Variants in VWC2L observed in about 807,000 individuals in gnomAD.
VWC2L encodes von Willebrand factor C domain containing 2 like.
A neutral mutation model predicts 21.6 loss-of-function variants in VWC2L; 10 were observed. The ratio of observed to expected loss-of-function variants is 0.46; its 90% CI spans 0.29 to 0.78. The LOEUF (loss-of-function observed/expected upper bound fraction) is 0.78. Among genes scored for constraint, VWC2L ranks in the 30% least tolerant of loss-of-function variants. The pLI, the probability that VWC2L is intolerant of heterozygous loss-of-function variation, is 0.10. For synonymous variants in VWC2L, 96 were observed against 94.3 expected (o/e 1.02, Z -0.10); for missense variants, 209 against 277.1 (o/e 0.75, Z 1.74).
chr2:214,458,146 G>A (rs1703085006), intron 3 of VWC2L, among the ~76,000 whole-genome samples: 1 of 151,924 alleles, frequency 6.6e-6, no homozygotes. Context: ...GTCTATTCAG[G>A]TTTTCTATTT....
At position 214,436,634 on chromosome 2, in the gene VWC2L, T is replaced by C. The variant is rs746624300; in HGVS notation, c.396T>C (p.Ser132=). 18 of 1,613,178 alleles carry C rather than the reference T, an allele frequency of 1.1e-5. 2 individuals carry two copies. In the South Asian group the frequency reaches 1.3e-4, roughly 12 times the overall value. Residue 132 remains serine, a synonymous_variant, in exon 3 of 4, where the codon TCT becomes TCC. Transcript: ENST00000312504. ...AATTTTAGATTTGTTCCTAGCCCTC[T>C]CCATGTGAATGGTGTCGCTGTGAGC... ...NYKILEEFKP[S]PCEWCRCEPS...
intron 3 of VWC2L, among the ~76,000 whole-genome samples, chr2:214,443,174 T>C (rs983446007): frequency 4.6e-5 from 7 of 152,156 alleles, no homozygotes; most frequent in East Asian, 3.9e-4. Context: ...AGGTCAGGAA[T>C]TGGAGACCAG....
chr2:214,524,714 G>A (rs1437358049), intron 3 of VWC2L, among the ~76,000 whole-genome samples: 10 of 152,146 alleles, frequency 6.6e-5, no homozygotes, highest in African/African-American at 2.2e-4. Context: ...TGATGATGCC[G>A]CATCAATGCC....
chr2:214,463,844 ATTC>A (rs1703177915), intron 3 of VWC2L, among the ~76,000 whole-genome samples: 2 of 151,712 alleles, frequency 1.3e-5, no homozygotes, highest in African/African-American at 4.8e-5. Context: ...TTCATTTTTT[ATTC>A]TTTTTTCTTT....
chr2:214,458,567 T>G (rs182619204), intron 3 of VWC2L, among the ~76,000 whole-genome samples: 5 of 152,140 alleles, frequency 3.3e-5, no homozygotes, highest in African/African-American at 1.2e-4. Flanking sequence ...TAGGTGGTTA[T>G]TGCTATAAAT....
chr2:214,487,618 T>A (rs201311948), intron 3 of VWC2L, among the ~76,000 whole-genome samples: 1 of 152,054 alleles, frequency 6.6e-6, no homozygotes, highest in African/African-American at 2.4e-5. Context: ...TAAGAATGAA[T>A]AGAAGTAAGC....
chr2:214,436,843 C>T, intron 3 of VWC2L, 85 bp downstream of exon 3: 1 of 1,503,436 alleles, frequency 6.7e-7, no homozygotes, highest in Non-Finnish European at 9.1e-7. Flanking sequence ...AATGCAAGAC[C>T]CCTCTAAGAT....
In VWC2L at chr2:214,508,053, T is replaced by C. The variant is rs937800096; in HGVS notation, c.521-67619T>C. Among the ~76,000 whole-genome samples the C allele has an allele frequency of 3.9e-5, 6 of 152,274 alleles. No homozygotes were observed. In the South Asian group the frequency reaches 1.2e-3, roughly 32 times the overall value. On this transcript the variant is annotated intron_variant, in intron 3 of 3. Transcript: ENST00000312504. ...GTGCAGTGGCGTGATCTCGGCTCAC[T>C]GCAAGCTCCGCCTACCGGGTTCACG... is the stretch of plus-strand genomic sequence containing the variant.
intron 3 of VWC2L, among the ~76,000 whole-genome samples, chr2:214,569,530 A>C (rs1332985866): frequency 6.6e-6 from 1 of 152,150 alleles, no homozygotes; most frequent in East Asian, 1.9e-4. Flanking sequence ...AAGCTATCAA[A>C]ATAGTGTCAA....
chr2:214,513,015 T>C (rs1446629767), intron 3 of VWC2L, among the ~76,000 whole-genome samples: 1 of 152,080 alleles, frequency 6.6e-6, no homozygotes, highest in Non-Finnish European at 1.5e-5. Flanking sequence ...AGTCCAACTA[T>C]GATGAGTAGA....
chr2:214,431,653 C>G (rs1332741560), intron 2 of VWC2L, among the ~76,000 whole-genome samples: 1 of 152,206 alleles, frequency 6.6e-6, no homozygotes, highest in Non-Finnish European at 1.5e-5. Context: ...GCTTTGTACT[C>G]TATCCCATCC....
At chr2:214,431,515 A>G (rs1396281312) in intron 2 of VWC2L, among the ~76,000 whole-genome samples, 1 of 152,204 alleles carries the variant, frequency 6.6e-6, no homozygotes, top group Non-Finnish European at 1.5e-5. Flanking sequence ...GTTAGGAGGT[A>G]TAAACTTGGC....
At chr2:214,481,792 CAA>C (rs1416020490) in intron 3 of VWC2L, among the ~76,000 whole-genome samples, 2 of 152,166 alleles carry the variant, frequency 1.3e-5, no homozygotes, top group Non-Finnish European at 2.9e-5. Flanking sequence ...TTGATCCCAT[CAA>C]GTTTGCTCTT....
chr2:214,467,367 A>G (rs1703232421), intron 3 of VWC2L, among the ~76,000 whole-genome samples: 1 of 137,620 alleles, frequency 7.3e-6, no homozygotes, highest in Admixed American at 6.8e-5. Context: ...TCCTCACTCA[A>G]GCTGCCTTGG....
At chr2:214,497,915 C>A (rs1688834418) in intron 3 of VWC2L, among the ~76,000 whole-genome samples, 1 of 152,176 alleles carries the variant, frequency 6.6e-6, no homozygotes, top group African/African-American at 2.4e-5. Context: ...TAAAGTTGTG[C>A]TAGGTGCTGT....
intron 2 of VWC2L, among the ~76,000 whole-genome samples, chr2:214,419,744 G>A (rs557033078): frequency 6.6e-6 from 1 of 152,264 alleles, no homozygotes; most frequent in Admixed American, 6.5e-5. Flanking sequence ...ATTTTTTCAA[G>A]TCAAATGTCT....
At chr2:214,435,122 A>G (rs1300462868) in intron 2 of VWC2L, among the ~76,000 whole-genome samples, 3 of 152,236 alleles carry the variant, frequency 2.0e-5, no homozygotes, top group African/African-American at 7.2e-5. Context: ...ATAAGGAGCA[A>G]AAGAGCAACA....
chr2:214,563,583 C>CAAAAAAAAAAAAAAAAA (rs1328331072), intron 3 of VWC2L, among the ~76,000 whole-genome samples: 7 of 95,966 alleles, frequency 7.3e-5, no homozygotes, highest in African/African-American at 2.2e-4. Flanking sequence ...AAAAAAAAAT[C>CAAAAAAAAAAAAAAAAA]AAGTGGTTCT....
intron 2 of VWC2L, among the ~76,000 whole-genome samples, chr2:214,424,176 G>A (rs1030127781): frequency 6.6e-6 from 1 of 152,034 alleles, no homozygotes. Flanking sequence ...TTCTCAGTAG[G>A]GTTTGGGAAT....
Sources: allele counts gnomAD v4.1 joint callset (sites outside exome capture counted in the v4.1 genomes callset), GRCh38; gene constraint gnomAD v4.1.1; transcripts MANE v1.5; gene names NCBI Gene and HGNC (gene_info 2026-07-23, HGNC 2026-07-21).